ASXL3: variants seen among roughly 807,000 people sequenced by gnomAD.
ASXL3 encodes the protein ASXL transcriptional regulator 3.
Under a neutral mutation model 170.6 loss-of-function variants are expected in ASXL3, and 34 were observed. The observed-to-expected ratio is 0.20, with a 90% CI of 0.15 to 0.27. The LOEUF is 0.27. Ranked by LOEUF, ASXL3 falls within the 10% of genes least tolerant of loss-of-function variation. The pLI, the probability that ASXL3 is intolerant of heterozygous loss-of-function variation, is 1.00. For missense variants in ASXL3, 2,592 were observed against 2,695.3 expected, an observed-to-expected ratio of 0.96 and a Z score of 0.85; for synonymous variants, 1,002 against 989.1, an observed-to-expected ratio of 1.01 and a Z score of -0.24.
chr18:33,742,860 T>C (rs1388765722), intron 11 of ASXL3, 28 bp from the exon 12 acceptor site: 1 of 1,564,498 alleles, frequency 6.4e-7, no homozygotes, highest in East Asian at 2.3e-5. Flanking sequence ...TGAAGCACAT[T>C]ATATTTTTTT....
chr18:33,654,656 C>G (rs16964832), intron 4 of ASXL3, among the ~76,000 whole-genome samples: 1,758 of 151,884 alleles, frequency 0.012, 38 homozygotes, highest in African/African-American at 0.04. Flanking sequence ...TTTCAGGAAC[C>G]TGATGCAGTG....
At chr18:33,693,853 T>G (rs550591419) in intron 8 of ASXL3, among the ~76,000 whole-genome samples, 3 of 152,262 alleles carry the variant, frequency 2.0e-5, no homozygotes, top group African/African-American at 7.2e-5. Context: ...AAGGTTCTTG[T>G]TGACTGATTA....
In ASXL3 at chr18:33,684,555, A is replaced by G. The variant is rs1025540353; in HGVS notation, c.879+987A>G. Among the ~76,000 whole-genome samples, 3 of 152,132 alleles carry G rather than the reference A, an allele frequency of 2.0e-5. No individual in the cohort carries two copies. The East Asian group carries it at 5.8e-4, about 29-fold the overall frequency. ...GTGGTGATTATTGTTCATATTTAGA[A>G]AGAGATTATTTTGATTTTGGGTACA... is the stretch of plus-strand genomic sequence containing the variant. On this transcript the variant is annotated intron_variant, in intron 8 of 11. Coordinates refer to ENST00000269197, the MANE Select transcript of ASXL3 (RefSeq NM_030632.3).
rs1332069775 is a variant in ASXL3 at position 33,683,577 on chromosome 18, A to G, written c.879+9A>G. On this transcript the variant is annotated intron_variant, in intron 8 of 11. Coordinates refer to ENST00000269197, the MANE Select transcript of ASXL3 (RefSeq NM_030632.3). ...CAGAAGTGGATAGGCAGGTAAGTAGAAGTTTTAGACATTTGATACCAGCCA... is the reference window on the plus strand; with the variant it reads ...CAGAAGTGGATAGGCAGGTAAGTAGGAGTTTTAGACATTTGATACCAGCCA... The G allele has an allele frequency of 6.2e-7, 1 of 1,607,108 alleles. No homozygotes were observed. The highest frequency in any genetic ancestry group is 1.1e-5 in the South Asian group (1 of 90,036).
intron 11 of ASXL3, among the ~76,000 whole-genome samples, chr18:33,742,664 T>C (rs559169786): frequency 6.6e-6 from 1 of 152,352 alleles, no homozygotes; most frequent in East Asian, 1.9e-4. Flanking sequence ...TTACAATGGA[T>C]GTTTTTGTAG....
intron 7 of ASXL3, among the ~76,000 whole-genome samples, chr18:33,672,784 A>G (rs1434774421): frequency 2.0e-5 from 3 of 151,444 alleles, no homozygotes; most frequent in East Asian, 3.9e-4. Context: ...ATTTTATCTG[A>G]TTTTTTTTTA....
chr18:33,604,834 G>A (rs998660935), intron 1 of ASXL3, among the ~76,000 whole-genome samples: 9 of 151,994 alleles, frequency 5.9e-5, no homozygotes, highest in African/African-American at 2.2e-4. Flanking sequence ...GGTAGAGGAT[G>A]CCTCACTAGC....
chr18:33,721,147 G>A (rs928524437), intron 8 of ASXL3, among the ~76,000 whole-genome samples: 5 of 151,946 alleles, frequency 3.3e-5, no homozygotes, highest in African/African-American at 1.2e-4. Context: ...GTTAATTGGA[G>A]CCTAAGAAAT....
chr18:33,581,989 T>C lies in ASXL3; in HGVS notation c.54+3304T>C, dbSNP rs376682525. On this transcript the variant is annotated intron_variant, in intron 1 of 11. Coordinates refer to ENST00000269197, the MANE Select transcript of ASXL3 (RefSeq NM_030632.3). ...GCAGAAATTTCAGGCTTTAGCCTCCTCCCCTCCCCCACAGCCTTCTGCAGT... is the reference window on the plus strand; with the variant it reads ...GCAGAAATTTCAGGCTTTAGCCTCCCCCCCTCCCCCACAGCCTTCTGCAGT... Among the ~76,000 whole-genome samples the C allele has an allele frequency of 2.2e-3, 341 of 152,286 alleles. 1 individual carries two copies. The highest frequency in any genetic ancestry group is 8.0e-3 in the African/African-American group (332 of 41,564).
At chr18:33,624,963 A>T (rs2065577542) in intron 2 of ASXL3, among the ~76,000 whole-genome samples, 1 of 152,156 alleles carries the variant, frequency 6.6e-6, no homozygotes, top group Non-Finnish European at 1.5e-5. Flanking sequence ...TATGAACAGT[A>T]ATCTGGTTTC....
chr18:33,723,974 T>C lies in ASXL3; in HGVS notation c.880-7994T>C, dbSNP rs1018920675. 3.3e-5 allele frequency among the ~76,000 whole-genome samples: 5 copies of C among 152,192 alleles called. 1 individual carries two copies. The highest frequency in any genetic ancestry group is 1.2e-4 in the African/African-American group (5 of 41,450). On this transcript the variant is annotated intron_variant, in intron 8 of 11. Transcript: ENST00000269197. ...TATCATTTTAAGTAATAACGTATTT[T>C]TAATTAAGGTATGTAAATTGATTTT...
intron 2 of ASXL3, among the ~76,000 whole-genome samples, chr18:33,644,580 T>C (rs998961092): frequency 2.6e-5 from 4 of 151,338 alleles, no homozygotes; most frequent in Non-Finnish European, 4.4e-5. Flanking sequence ...CACATAAGTA[T>C]TTGGGCTTTG....
intron 10 of ASXL3, among the ~76,000 whole-genome samples, chr18:33,737,935 TA>T (rs576857584): frequency 6.6e-6 from 1 of 152,126 alleles, no homozygotes; most frequent in South Asian, 2.1e-4. Context: ...CTTGCAGATT[TA>T]AAAAATATAT....
intron 8 of ASXL3, among the ~76,000 whole-genome samples, chr18:33,721,971 GTAT>G (rs1167914704): frequency 6.6e-6 from 1 of 151,848 alleles, no homozygotes. Context: ...ATATGATAAT[GTAT>G]TATTATATAT....
intron 2 of ASXL3, among the ~76,000 whole-genome samples, chr18:33,621,356 G>C (rs2065509545): frequency 6.6e-6 from 1 of 152,114 alleles, no homozygotes; most frequent in South Asian, 2.1e-4. Context: ...TCAATGTTCT[G>C]TTCTTACGTA....
rs2067837055 is a variant in ASXL3 at position 33,748,710 on chromosome 18, C to A, written c.*2115C>A. On this transcript the variant is annotated 3_prime_UTR_variant, in exon 12 of 12. Coordinates refer to ENST00000269197, the MANE Select transcript of ASXL3 (RefSeq NM_030632.3). ...TCATGCTGTTAGTCTCACAGCGGGGCACCCCTATAATATAGACACTTGCAT... is the reference window on the plus strand; with the variant it reads ...TCATGCTGTTAGTCTCACAGCGGGGAACCCCTATAATATAGACACTTGCAT... The A allele has an allele frequency of 6.6e-6, 1 of 152,224 alleles. No individual in the cohort carries two copies. The highest frequency in any genetic ancestry group is 1.5e-5 in the Non-Finnish European group (1 of 68,074). 9.4% of individuals were successfully genotyped at this position (152,224 alleles called of 1,614,324 possible).
intron 2 of ASXL3, 59 bp from the exon 3 acceptor site, chr18:33,644,835 G>GT (rs959294459): frequency 1.8e-6 from 2 of 1,093,924 alleles, no homozygotes; most frequent in African/African-American, 3.2e-5. Flanking sequence ...TCAGAGAACA[G>GT]TTTTGCAATA....
chr18:33,655,304 G>A (rs949845585), intron 4 of ASXL3, among the ~76,000 whole-genome samples: 3 of 151,910 alleles, frequency 2.0e-5, no homozygotes, highest in African/African-American at 4.8e-5. Context: ...AATGAAGCAG[G>A]TTATAAAATA....
chr18:33,697,672 G>T (rs1340392655), intron 8 of ASXL3, among the ~76,000 whole-genome samples: 1 of 151,964 alleles, frequency 6.6e-6, no homozygotes, highest in African/African-American at 2.4e-5. Flanking sequence ...GGTGGTTGTT[G>T]CCCAACCTCT....
Sources: gnomAD v4.1 joint callset for allele counts (sites outside exome capture counted in the v4.1 genomes callset) on GRCh38, gnomAD v4.1.1 for gene constraint, MANE v1.5 for transcripts, NCBI Gene and HGNC (gene_info 2026-07-23, HGNC 2026-07-21) for gene names.